Variants in RNF40 observed in about 807,000 individuals in gnomAD.
The protein encoded by RNF40 is ring finger protein 40, also known as E3 ubiquitin-protein ligase BRE1B.
A neutral mutation model predicts 123.3 loss-of-function variants in RNF40; 39 were observed. The observed-to-expected ratio is 0.32, with a 90% CI of 0.24 to 0.41. The LOEUF (loss-of-function observed/expected upper bound fraction) is 0.41, where lower values mean the gene tolerates loss of function less well. Among genes scored for constraint, RNF40 ranks in the 10% least tolerant of loss-of-function variants. The pLI is 1.00. For missense variants in RNF40, 1,003 were observed against 1,319.9 expected (o/e 0.76, Z 3.72); for synonymous variants, 538 against 526.0 (o/e 1.02, Z -0.31).
At position 30,766,919 on chromosome 16, in the gene RNF40, G is replaced by A; in HGVS notation, c.1429+43G>A. On this transcript the variant is annotated intron_variant, in intron 11 of 19. Coordinates refer to ENST00000324685, the MANE Select transcript of RNF40 (RefSeq NM_014771.4). This position sits in a 1 kb window ranked among gnomAD's most constrained non-coding sequence, Gnocchi z 5.4. ...GGCGGAGGTGGGGCCTTATCTGGGA[G>A]TGCTGGGCCCTGGTGTGGGGCTGCT... The A allele has an allele frequency of 6.2e-7, 1 of 1,602,062 alleles. No homozygotes were observed. Among genetic ancestry groups the A allele is most frequent in the Non-Finnish European group, 8.5e-7 (1 of 1,173,802 alleles).
rs1269830907 is a variant in RNF40, at chr16:30,766,050, A to G, written c.994-113A>G. ...AAAGTACTTGGTTTGGGGTGTCAGAATCGATCATTGCCCTGCACGGGGTGC... is the reference window on the plus strand; with the variant it reads ...AAAGTACTTGGTTTGGGGTGTCAGAGTCGATCATTGCCCTGCACGGGGTGC... On this transcript the variant is annotated intron_variant, in intron 8 of 19. Transcript: ENST00000324685. This position sits in a 1 kb window ranked among gnomAD's most constrained non-coding sequence, Gnocchi z 5.4. The G allele has an allele frequency of 6.8e-7, 1 of 1,471,412 alleles. No individual in the cohort carries two copies. The highest frequency in any genetic ancestry group is 9.4e-7 in the Non-Finnish European group (1 of 1,068,360). The allele number at this position is 1,471,412 out of a possible 1,614,324, so 91.1% of individuals were successfully genotyped here. A position where few individuals can be genotyped will look rare whatever the true frequency, so the allele number is the denominator to read the frequency against.
chr16:30,771,152 C>G (rs780580555), intron 17 of RNF40, among the ~76,000 whole-genome samples: 1 of 152,156 alleles, frequency 6.6e-6, no homozygotes, highest in Non-Finnish European at 1.5e-5. Context: ...CCAGTAATCC[C>G]CCAAATAAAA....
chr16:30,761,928 C>G, upstream of RNF40: 1 of 637,616 alleles, frequency 1.6e-6, no homozygotes, highest in Non-Finnish European at 2.6e-6. Flanking sequence ...TCAACGGCGA[C>G]GGTTGCCAAG....
chr16:30,767,499 TAAA>T (rs879532090), intron 11 of RNF40, among the ~76,000 whole-genome samples: 1 of 137,550 alleles, frequency 7.3e-6, no homozygotes, highest in African/African-American at 2.7e-5. Context: ...ATTGGATGTA[TAAA>T]AAAAAAAAAG....
chr16:30,774,181 C>G lies in RNF40; in HGVS notation c.*67C>G. 1 of 1,503,276 alleles carries G rather than the reference C, an allele frequency of 6.7e-7. No homozygotes were observed. Among genetic ancestry groups the G allele is most frequent in the Admixed American group, 2.1e-5 (1 of 47,208 alleles). 93.1% of individuals were successfully genotyped at this position (1,503,276 alleles called of 1,614,324 possible). ...GGCTGTGCCCCCATCTCCTCCCCAC[C>G]CCAGGTCTAGTGGCCCCACCCTCCA... On this transcript the variant is annotated 3_prime_UTR_variant, in exon 20 of 20. Transcript: ENST00000324685.
At chr16:30,767,833 G>C in intron 11 of RNF40, 61 bp from the exon 12 acceptor site, 1 of 1,610,966 alleles carries the variant, frequency 6.2e-7, no homozygotes, top group Non-Finnish European at 8.5e-7. Flanking sequence ...ACCCCACTGA[G>C]GGGTTGGAGT....
chr16:30,775,564 TC>T lies in RNF40; in HGVS notation c.*1451del. 6.1e-6 allele frequency: 1 copy of T among 164,156 alleles called. No individual in the cohort carries two copies. The highest frequency in any genetic ancestry group is 1.3e-5 in the Non-Finnish European group (1 of 74,960). The allele number at this position is 164,156 out of a possible 1,614,324, so 10.2% of individuals were successfully genotyped here. A position where few individuals can be genotyped will look rare whatever the true frequency, so the allele number is the denominator to read the frequency against. On this transcript the variant is annotated 3_prime_UTR_variant, in exon 20 of 20. Transcript: ENST00000324685. ...TCCTGCGGACCGCTTCTCAGCGGCT[TC>T]ACCCCCACACCACTCGAATGCACAG...
rs774889008 is a variant in RNF40 at position 30,768,264 on chromosome 16, CACT to C, written c.1719_1721del (p.Thr575del). 3.1e-6 allele frequency: 5 copies of C among 1,613,856 alleles called. No homozygotes were observed. In the African/African-American group the frequency reaches 5.3e-5, roughly 17 times the overall value. ...AGATGGCTCCAGTGCCTGGCACCAC[CACT>C]ACTACCACTTCAGTGAAGAAGGAGG... On this transcript the variant is annotated inframe_deletion, in exon 13 of 20. Transcript: ENST00000324685. This position sits in a 1 kb window ranked among gnomAD's most constrained non-coding sequence, Gnocchi z 4.1.
At position 30,764,386 on chromosome 16, in the gene RNF40, G is replaced by T. The variant is rs1452510527; in HGVS notation, c.649+1G>T. On this transcript the variant is annotated splice_donor_variant, in intron 5 of 19. Transcript: ENST00000324685. LOFTEE classifies it high-confidence loss of function. The stretch of plus-strand genomic sequence containing the variant: ...CTCTGTCAGCGAGTGTACAGCCGAG[G>T]TGGGTTCTTTGTGCCCATACTGAAG... 1 of 1,611,652 alleles carries T rather than the reference G, an allele frequency of 6.2e-7. No homozygotes were observed. The highest frequency in any genetic ancestry group is 8.5e-7 in the Non-Finnish European group (1 of 1,179,320).
At position 30,767,915 on chromosome 16, in the gene RNF40, G is replaced by A. The variant is rs2054069547; in HGVS notation, c.1451G>A (p.Arg484His). 3 of 1,613,978 alleles carry A rather than the reference G, an allele frequency of 1.9e-6. No individual in the cohort carries two copies. Among genetic ancestry groups the A allele is most frequent in the African/African-American group, 2.7e-5 (2 of 74,884 alleles). ...EQAGPINREM[R>H]HLISSLQNHN... ...CCAGGGCCCATCAACCGTGAGATGC[G>A]CCACCTGATTAGTAGTCTTCAAAAC... Residue 484 changes from arginine (R) to histidine (H), a missense_variant, in exon 12 of 20, where the codon CGC becomes CAC. Coordinates refer to ENST00000324685, the MANE Select transcript of RNF40 (RefSeq NM_014771.4).
intron 15 of RNF40, 78 bp from the exon 16 acceptor site, chr16:30,769,108 C>T: frequency 6.3e-7 from 1 of 1,596,286 alleles, no homozygotes; most frequent in Non-Finnish European, 8.6e-7. Flanking sequence ...CTTTGCTTCG[C>T]TGCGTTTTCC....
Position 30,767,901 on chromosome 16 carries a change from C to T in RNF40, c.1437C>T (p.Ile479=). Residue 479 remains isoleucine (I), a synonymous_variant, in exon 12 of 20, where the codon ATC becomes ATT. Coordinates refer to ENST00000324685, the MANE Select transcript of RNF40 (RefSeq NM_014771.4). ...NLAANEQAGP[I]NREMRHLISS... Reference sequence around the variant, plus strand: ...TTGCTGATGCTCCTCCAGGGCCCATCAACCGTGAGATGCGCCACCTGATTA... The same window carrying T: ...TTGCTGATGCTCCTCCAGGGCCCATTAACCGTGAGATGCGCCACCTGATTA... The T allele has an allele frequency of 6.2e-7, 1 of 1,614,174 alleles. No individual in the cohort carries two copies. The highest frequency in any genetic ancestry group is 8.5e-7 in the Non-Finnish European group (1 of 1,180,050).
intron 2 of RNF40, 131 bp from the exon 3 acceptor site, chr16:30,762,987 C>T (rs966494926): frequency 1.6e-5 from 17 of 1,034,562 alleles, no homozygotes; most frequent in Non-Finnish European, 2.4e-5. Flanking sequence ...TCCTTAGATT[C>T]TGTTAGCGGT....
rs1193788421 is a variant in RNF40, at chr16:30,775,651, G to T, written c.*1537G>T. On this transcript the variant is annotated 3_prime_UTR_variant, in exon 20 of 20. Transcript: ENST00000324685. ...CAATCGGCCTCGGGAGCGGTGCGGC[G>T]TGTACCGAGCGGCGCCCCTGGGCTC... The T allele has an allele frequency of 2.0e-5, 3 of 153,300 alleles. No homozygotes were observed. The highest frequency in any genetic ancestry group is 2.9e-5 in the Non-Finnish European group (2 of 68,766). 9.5% of individuals were successfully genotyped at this position (153,300 alleles called of 1,614,324 possible). A position where few individuals can be genotyped will look rare whatever the true frequency, so the allele number is the denominator to read the frequency against.
At chr16:30,773,701 A>T (rs1254761203) in intron 19 of RNF40, 1 of 418,846 alleles carries the variant, frequency 2.4e-6, no homozygotes, top group African/African-American at 2.0e-5. Context: ...GAGGGGACAC[A>T]TGATAGCCAT....
Position 30,766,964 on chromosome 16 carries a change from G to T in RNF40, c.1429+88G>T. On this transcript the variant is annotated intron_variant, in intron 11 of 19. Transcript: ENST00000324685. This position sits in a 1 kb window ranked among gnomAD's most constrained non-coding sequence, Gnocchi z 5.4. ...GCTGCTGCTTATCCAGATGCAAGAG[G>T]CTAAGGCCTTTTTTTTCACAGAGCC... The T allele has an allele frequency of 1.3e-6, 2 of 1,496,460 alleles. No homozygotes were observed. The highest frequency in any genetic ancestry group is 1.8e-6 in the Non-Finnish European group (2 of 1,113,848). The allele number at this position is 1,496,460 out of a possible 1,614,324, so 92.7% of individuals were successfully genotyped here.
At chr16:30,770,586 G>C (rs1567287746) in intron 17 of RNF40, among the ~76,000 whole-genome samples, 1 of 152,204 alleles carries the variant, frequency 6.6e-6, no homozygotes. Context: ...TTGTCACATA[G>C]TTGTATTAAA....
At position 30,766,973 on chromosome 16, in the gene RNF40, T is replaced by A; in HGVS notation, c.1429+97T>A. On this transcript the variant is annotated intron_variant, in intron 11 of 19. Coordinates refer to ENST00000324685, the MANE Select transcript of RNF40 (RefSeq NM_014771.4). This position sits in a 1 kb window ranked among gnomAD's most constrained non-coding sequence, Gnocchi z 5.4. ...TATCCAGATGCAAGAGGCTAAGGCC[T>A]TTTTTTTCACAGAGCCTCGGCTTCC... 1 of 1,399,986 alleles carries A rather than the reference T, an allele frequency of 7.1e-7. No homozygotes were observed. Among genetic ancestry groups the A allele is most frequent in the Non-Finnish European group, 9.6e-7 (1 of 1,041,358 alleles). The allele number at this position is 1,399,986 out of a possible 1,614,324, so 86.7% of individuals were successfully genotyped here.
rs2054075915 is a variant in RNF40 at position 30,768,238 on chromosome 16, G to A, written c.1687G>A (p.Glu563Lys). 1 of 1,613,932 alleles carries A rather than the reference G, an allele frequency of 6.2e-7. No homozygotes were observed. The highest frequency in any genetic ancestry group is 1.3e-5 in the African/African-American group (1 of 75,062). ...TGTCAGTACCCCCGACAACAGAAAGGAGATGGCTCCAGTGCCTGGCACCAC... is the reference window on the plus strand; with the variant it reads ...TGTCAGTACCCCCGACAACAGAAAGAAGATGGCTCCAGTGCCTGGCACCAC... The part of the protein sequence containing the change: ...GPVSTPDNRK[E>K]MAPVPGTTTT... The change falls in exon 13 of 20, where the codon GAG becomes AAG. Residue 563 changes from glutamate (E) to lysine (K), a missense_variant. Physicochemically the swap from Glu to Lys is moderately conservative, Grantham distance 56. Around this residue, in one of 11 missense-constraint regions of RNF40, gnomAD observed 295 missense variants for 331.7 expected, o/e 0.89. Transcript: ENST00000324685. The surrounding 1 kb of genome is among the most constrained non-coding windows in gnomAD (Gnocchi z 4.1).
Sources: gnomAD v4.1 joint callset for allele counts (sites outside exome capture counted in the v4.1 genomes callset) on GRCh38, gnomAD v4.1.1 for gene constraint, gnomAD v4.1.1 regional missense constraint, Gnocchi (gnomAD v3.1) non-coding constraint, MANE v1.5 for transcripts, NCBI Gene and HGNC (gene_info 2026-07-23, HGNC 2026-07-21) for gene names.